EPHB2: variants seen among roughly 807,000 people sequenced by gnomAD.
EPHB2 encodes the protein EPH receptor B2, also known as ephrin type-B receptor 2.
EPHB2 carries 18 observed loss-of-function variants against 96.4 expected under a neutral mutation model. The ratio of observed to expected loss-of-function variants is 0.19; its 90% CI spans 0.13 to 0.28. The LOEUF is 0.28. EPHB2 is among the 10% of genes least tolerant of loss of function. EPHB2 has a pLI of 1.00. For missense variants in EPHB2, 989 were observed against 1,355.4 expected (o/e 0.73, Z 4.25); for synonymous variants, 506 against 534.1 (o/e 0.95, Z 0.72).
chr1:22,863,205 G>A lies in EPHB2; in HGVS notation c.967+13G>A. 1 of 1,614,092 alleles carries A rather than the reference G, an allele frequency of 6.2e-7. No homozygotes were observed. The highest frequency in any genetic ancestry group is 8.5e-7 in the Non-Finnish European group (1 of 1,180,026). On this transcript the variant is annotated intron_variant, in intron 4 of 15. Coordinates refer to ENST00000374630, the MANE Select transcript of EPHB2 (RefSeq NM_017449.5). ...ATGCCCTGCACAAGTAAGTCCTAGG[G>A]CCCCTCAAGGGCGATGGCTGGCCGA...
At chr1:22,713,511 A>T (rs1248318185) in intron 1 of EPHB2, among the ~76,000 whole-genome samples, 1 of 152,106 alleles carries the variant, frequency 6.6e-6, no homozygotes, top group Non-Finnish European at 1.5e-5. Context: ...TGAGGATCAG[A>T]CCAGATGATG....
chr1:22,882,515 C>T, intron 6 of EPHB2, 32 bp downstream of exon 6: 1 of 1,612,190 alleles, frequency 6.2e-7, no homozygotes, highest in Non-Finnish European at 8.5e-7. Context: ...TCCCCATCAC[C>T]CACCTCCCTG....
chr1:22,775,025 A>G (rs1023534482), intron 1 of EPHB2, among the ~76,000 whole-genome samples: 1 of 152,172 alleles, frequency 6.6e-6, no homozygotes, highest in African/African-American at 2.4e-5. Flanking sequence ...TGGGCAGTCT[A>G]TGTCCCACTC....
At chr1:22,801,777 C>T (rs1644846734) in intron 3 of EPHB2, among the ~76,000 whole-genome samples, 1 of 152,204 alleles carries the variant, frequency 6.6e-6, no homozygotes, top group East Asian at 1.9e-4. Flanking sequence ...GTGGGGTCCC[C>T]TCCCGCCCCC....
At chr1:22,848,494 C>T (rs376426609) in intron 3 of EPHB2, among the ~76,000 whole-genome samples, 14 of 152,344 alleles carry the variant, frequency 9.2e-5, no homozygotes, top group Middle Eastern at 3.4e-3. Flanking sequence ...TTACAGCCTA[C>T]AATCACATTG....
chr1:22,711,551 C>A lies in EPHB2; in HGVS notation c.61+508C>A, dbSNP rs888513580. On this transcript the variant is annotated intron_variant, in intron 1 of 15. Transcript: ENST00000374630. ...GCCCCCGAGATGGGGCCCGGCGCCC[C>A]GGAGAGCAGGGACTGGCAGAGTGGA... 3.3e-5 allele frequency among the ~76,000 whole-genome samples: 5 copies of A among 151,758 alleles called. No individual in the cohort carries two copies. In the South Asian group the frequency reaches 1.0e-3, roughly 31 times the overall value.
chr1:22,878,782 G>A (rs751989695), intron 5 of EPHB2, among the ~76,000 whole-genome samples: 22 of 152,226 alleles, frequency 1.4e-4, no homozygotes, highest in Non-Finnish European at 2.8e-4. Flanking sequence ...TAGGCTAGAC[G>A]GCCTTGCCAG....
At chr1:22,720,281 G>A (rs1161272638) in intron 1 of EPHB2, among the ~76,000 whole-genome samples, 2 of 152,170 alleles carry the variant, frequency 1.3e-5, no homozygotes, top group African/African-American at 4.8e-5. Flanking sequence ...TCCTCATCAG[G>A]TTCAAGGAAA....
intron 4 of EPHB2, among the ~76,000 whole-genome samples, chr1:22,863,887 A>G (rs1230550987): frequency 6.6e-6 from 1 of 152,034 alleles, no homozygotes; most frequent in Non-Finnish European, 1.5e-5. Context: ...CACCACACCC[A>G]GCTAATTTTT....
chr1:22,809,537 A>G (rs1478981968), intron 3 of EPHB2, among the ~76,000 whole-genome samples: 1 of 152,228 alleles, frequency 6.6e-6, no homozygotes, highest in Non-Finnish European at 1.5e-5. Flanking sequence ...ACTGTGTGCC[A>G]GGATCCTTGT....
chr1:22,730,753 G>C (rs1224776872), intron 1 of EPHB2, among the ~76,000 whole-genome samples: 1 of 152,130 alleles, frequency 6.6e-6, no homozygotes, highest in Non-Finnish European at 1.5e-5. Context: ...ATGGGAGCAG[G>C]TGACACAGAG....
intron 1 of EPHB2, among the ~76,000 whole-genome samples, chr1:22,727,472 C>T (rs1643605887): frequency 6.6e-6 from 1 of 152,334 alleles, no homozygotes; most frequent in Admixed American, 6.5e-5. Context: ...GGAATGGTTG[C>T]CAGTACCTTG....
rs1167432044 is a variant in EPHB2, at chr1:22,920,317, T to G, written c.*6747T>G. 7.9e-5 allele frequency: 12 copies of G among 152,212 alleles called. No individual in the cohort carries two copies. The highest frequency in any genetic ancestry group is 7.9e-4 in the Admixed American group (12 of 15,280). The allele number at this position is 152,212 out of a possible 1,614,324, so 9.4% of individuals were successfully genotyped here. A position where few individuals can be genotyped will look rare whatever the true frequency, so the allele number is the denominator to read the frequency against. On this transcript the variant is annotated 3_prime_UTR_variant, in exon 16 of 16. Coordinates refer to ENST00000374630, the MANE Select transcript of EPHB2 (RefSeq NM_017449.5). ...GGACTCATCTGGGGTGGAATTTCCCTCCCTGCAGCAAGGAAGCTGCAGGGC... is the reference window on the plus strand; with the variant it reads ...GGACTCATCTGGGGTGGAATTTCCCGCCCTGCAGCAAGGAAGCTGCAGGGC...
At chr1:22,804,162 C>G (rs1466246936) in intron 3 of EPHB2, among the ~76,000 whole-genome samples, 1 of 152,194 alleles carries the variant, frequency 6.6e-6, no homozygotes, top group East Asian at 1.9e-4. Flanking sequence ...CCGCATTAGA[C>G]CTTTCCCACC....
At chr1:22,732,651 GC>G (rs1226011524) in intron 1 of EPHB2, among the ~76,000 whole-genome samples, 3 of 152,040 alleles carry the variant, frequency 2.0e-5, no homozygotes, top group Admixed American at 6.5e-5. Context: ...TTTAGGGACT[GC>G]CCCCCGGCCC....
intron 9 of EPHB2, among the ~76,000 whole-genome samples, chr1:22,901,820 A>AGTGTGTGTGTGTGTGTGTGTGTGTGT (rs57503593): frequency 1.6e-4 from 24 of 148,570 alleles, no homozygotes; most frequent in African/African-American, 5.2e-4. Flanking sequence ...TGTGTGTGTG[A>AGTGTGTGTGTGTGTGTGTGTGTGTGT]GTGTGTGTGT....
At chr1:22,883,060 T>G (rs1639102501) in intron 6 of EPHB2, among the ~76,000 whole-genome samples, 2 of 152,150 alleles carry the variant, frequency 1.3e-5, no homozygotes, top group African/African-American at 4.8e-5. Flanking sequence ...GGACTAAGAG[T>G]GAGAAGCCGT....
intron 1 of EPHB2, among the ~76,000 whole-genome samples, chr1:22,774,903 G>A (rs1644428676): frequency 6.6e-6 from 1 of 152,164 alleles, no homozygotes; most frequent in African/African-American, 2.4e-5. Flanking sequence ...CCTACATGGT[G>A]TCATTTAATT....
chr1:22,815,947 GGT>G (rs1416542816), intron 3 of EPHB2, among the ~76,000 whole-genome samples: 1 of 152,150 alleles, frequency 6.6e-6, no homozygotes, highest in Admixed American at 6.5e-5. Context: ...AGAGGCAGAA[GGT>G]GTGTGGGTGT....
Sources: gnomAD v4.1 joint callset for allele counts (sites outside exome capture counted in the v4.1 genomes callset) on GRCh38, gnomAD v4.1.1 for gene constraint, MANE v1.5 for transcripts, NCBI Gene and HGNC (gene_info 2026-07-23, HGNC 2026-07-21) for gene names.